Variants in LUZP2 observed in about 807,000 individuals in gnomAD.
LUZP2 encodes the protein leucine zipper protein 2.
Under a neutral mutation model 51.6 loss-of-function variants are expected in LUZP2, and 52 were observed. That is an observed-to-expected ratio of 1.01 (90% CI 0.81 to 1.27). The LOEUF is 1.27. Ranked by LOEUF, LUZP2 falls within the 50% of genes most tolerant of loss-of-function variation. LUZP2 has a pLI of 0.00. For synonymous variants in LUZP2, 154 were observed against 137.3 expected, an observed-to-expected ratio of 1.12 and a Z score of -0.85; for missense variants, 436 against 395.4, an observed-to-expected ratio of 1.10 and a Z score of -0.87.
chr11:24,914,710 G>T (rs1299798079), intron 7 of LUZP2, among the ~76,000 whole-genome samples, 172 bp downstream of exon 7: 1 of 152,086 alleles, frequency 6.6e-6, no homozygotes, highest in Non-Finnish European at 1.5e-5. Context: ...GAGATAAGTG[G>T]AAGTATTATT....
At chr11:24,843,243 T>TA (rs528765366) in intron 5 of LUZP2, among the ~76,000 whole-genome samples, 38 of 152,122 alleles carry the variant, frequency 2.5e-4, no homozygotes, top group South Asian at 6.2e-4. Flanking sequence ...TTCCCAAAGA[T>TA]AAAAAAACAA....
At position 24,910,282 on chromosome 11, in the gene LUZP2, A is replaced by G. The variant is rs1234851192; in HGVS notation, c.460-4194A>G. Among the ~76,000 whole-genome samples the G allele has an allele frequency of 2.0e-5, 3 of 152,354 alleles. No homozygotes were observed. The East Asian group carries it at 5.8e-4, about 29-fold the overall frequency. On this transcript the variant is annotated intron_variant, in intron 6 of 11. Transcript: ENST00000336930. ...AGAAAGAAAACATTTTCTGGAGAGC[A>G]ATTCAAGCCAAAGGCAGAAATTTGC...
intron 1 of LUZP2, among the ~76,000 whole-genome samples, chr11:24,665,762 T>C (rs1199399464): frequency 1.3e-5 from 2 of 152,146 alleles, no homozygotes; most frequent in Non-Finnish European, 2.9e-5. Flanking sequence ...GATTGTAAAT[T>C]TGCTGAGTAC....
intron 7 of LUZP2, among the ~76,000 whole-genome samples, chr11:24,942,309 A>G (rs2133850719): frequency 6.6e-6 from 1 of 152,248 alleles, no homozygotes; most frequent in Non-Finnish European, 1.5e-5. Context: ...TGAATGTACC[A>G]TTGCATTTCC....
At chr11:24,539,725 G>A (rs1266827447) in intron 1 of LUZP2, among the ~76,000 whole-genome samples, 2 of 151,950 alleles carry the variant, frequency 1.3e-5, no homozygotes, top group Admixed American at 1.3e-4. Flanking sequence ...AACCTACAAT[G>A]CCTTTTAGCT....
At chr11:25,050,937 A>C (rs1245150638) in intron 10 of LUZP2, among the ~76,000 whole-genome samples, 2 of 152,164 alleles carry the variant, frequency 1.3e-5, no homozygotes, top group African/African-American at 4.8e-5. Context: ...GTGCAATGGA[A>C]TTTTATTTTT....
At chr11:24,557,880 C>A (rs796828754) in intron 1 of LUZP2, among the ~76,000 whole-genome samples, 30 of 152,036 alleles carry the variant, frequency 2.0e-4, no homozygotes, top group African/African-American at 6.0e-4. Context: ...GTGCTGAGCC[C>A]GTTTCTCTTC....
At chr11:24,557,569 TACTC>T (rs749899612) in intron 1 of LUZP2, among the ~76,000 whole-genome samples, 23 of 152,042 alleles carry the variant, frequency 1.5e-4, no homozygotes, top group Non-Finnish European at 1.8e-4. Flanking sequence ...TTGTATTAAA[TACTC>T]ACAAAGCCAT....
intron 5 of LUZP2, among the ~76,000 whole-genome samples, chr11:24,808,195 C>T (rs12289263): frequency 0.017 from 2,543 of 152,264 alleles, 73 homozygotes; most frequent in African/African-American, 0.058. Context: ...TTAATGTAAG[C>T]GGATGATAAC....
intron 5 of LUZP2, among the ~76,000 whole-genome samples, chr11:24,785,656 A>G (rs971800924): frequency 1.3e-5 from 2 of 152,068 alleles, no homozygotes; most frequent in East Asian, 3.8e-4. Context: ...TGTTATTATA[A>G]TATGATTAAA....
chr11:24,628,419 A>G (rs997144440), intron 1 of LUZP2, among the ~76,000 whole-genome samples: 2 of 152,160 alleles, frequency 1.3e-5, no homozygotes, highest in Admixed American at 6.5e-5. Context: ...TCACAGATCT[A>G]AGACTTCAAA....
chr11:24,560,613 C>A (rs1160742421), intron 1 of LUZP2, among the ~76,000 whole-genome samples: 1 of 152,080 alleles, frequency 6.6e-6, no homozygotes, highest in Non-Finnish European at 1.5e-5. Context: ...GTTCTTTGCC[C>A]CATCCCCAAA....
chr11:24,911,963 AG>A (rs1341862407), intron 6 of LUZP2, among the ~76,000 whole-genome samples: 2 of 152,212 alleles, frequency 1.3e-5, no homozygotes, highest in African/African-American at 4.8e-5. Flanking sequence ...ATCAAAAGAA[AG>A]GTGACTTTCT....
At chr11:24,886,732 A>T (rs957411184) in intron 5 of LUZP2, among the ~76,000 whole-genome samples, 1 of 152,176 alleles carries the variant, frequency 6.6e-6, no homozygotes, top group African/African-American at 2.4e-5. Flanking sequence ...TTGTGCATCT[A>T]AGAATTGCTG....
At chr11:24,968,911 A>G (rs1359773785) in intron 7 of LUZP2, among the ~76,000 whole-genome samples, 5 of 152,196 alleles carry the variant, frequency 3.3e-5, no homozygotes, top group Non-Finnish European at 7.3e-5. Flanking sequence ...GCCTGGCACA[A>G]TTGGTTCACA....
intron 9 of LUZP2, among the ~76,000 whole-genome samples, chr11:25,011,595 G>A (rs1856986655): frequency 6.6e-6 from 1 of 152,084 alleles, no homozygotes; most frequent in African/African-American, 2.4e-5. Context: ...ATTAAAACAA[G>A]ACATAAAATT....
At chr11:24,838,744 T>G (rs542274156) in intron 5 of LUZP2, among the ~76,000 whole-genome samples, 1 of 151,816 alleles carries the variant, frequency 6.6e-6, no homozygotes, top group African/African-American at 2.4e-5. Context: ...TATCATGAGA[T>G]AGCATATAAG....
intron 9 of LUZP2, among the ~76,000 whole-genome samples, chr11:25,045,709 T>C (rs1265891013): frequency 1.3e-5 from 2 of 152,188 alleles, no homozygotes; most frequent in Admixed American, 6.6e-5. Flanking sequence ...CCATCATTGC[T>C]GAGCCTGTTA....
At chr11:24,614,790 G>T (rs1854234597) in intron 1 of LUZP2, among the ~76,000 whole-genome samples, 1 of 151,820 alleles carries the variant, frequency 6.6e-6, no homozygotes, top group South Asian at 2.1e-4. Flanking sequence ...ACTATCTTTT[G>T]CTTTCTTTAC....
Sources: allele counts gnomAD v4.1 joint callset (sites outside exome capture counted in the v4.1 genomes callset), GRCh38; gene constraint gnomAD v4.1.1; transcripts MANE v1.5; gene names NCBI Gene and HGNC (gene_info 2026-07-23, HGNC 2026-07-21).